Variants in CACNG7 observed in about 807,000 individuals in gnomAD.
The protein encoded by CACNG7 is voltage-dependent calcium channel gamma-7 subunit.
In CACNG7, 9 loss-of-function variants were observed where a neutral mutation model predicts 26.3. The observed-to-expected ratio is 0.34, with a 90% confidence interval of 0.21 to 0.60. The LOEUF (loss-of-function observed/expected upper bound fraction) is 0.60. Among genes scored for constraint, CACNG7 ranks in the 20% least tolerant of loss-of-function variants. The pLI, the probability that CACNG7 is intolerant of heterozygous loss-of-function variation, is 0.81. For missense variants in CACNG7, 297 were observed against 380.4 expected (o/e 0.78, Z 1.82); for synonymous variants, 170 against 157.0 (o/e 1.08, Z -0.62).
chr19:53,928,925 A>G, intron 4 of CACNG7, among the ~76,000 whole-genome samples: 1 of 152,086 alleles, frequency 6.6e-6, no homozygotes, highest in East Asian at 2.0e-4. Context: ...CCTGGCCAAC[A>G]TGGTGAAACC....
At chr19:53,921,958 C>T (rs1261567635) in intron 4 of CACNG7, among the ~76,000 whole-genome samples, 1 of 98,878 alleles carries the variant, frequency 1.0e-5, no homozygotes, top group Non-Finnish European at 1.9e-5. Context: ...GTGGAGTTGC[C>T]CCAGGCCTGG....
chr19:53,942,321 T>G lies in CACNG7; in HGVS notation c.*28T>G. On this transcript the variant is annotated 3_prime_UTR_variant, in exon 6 of 6. Coordinates refer to ENST00000391767, the MANE Select transcript of CACNG7 (RefSeq NM_031896.5). This position sits in a 1 kb window ranked among gnomAD's most constrained non-coding sequence, Gnocchi z 5.9. Reference sequence around the variant, plus strand: ...CCCGCCCCTCGGAGCTCCCCCTGCCTCCTCCTCCTCCTCGTCTTAGGGGGG... The same window carrying G: ...CCCGCCCCTCGGAGCTCCCCCTGCCGCCTCCTCCTCCTCGTCTTAGGGGGG... 7.2e-7 allele frequency: 1 copy of G among 1,397,190 alleles called. No individual in the cohort carries two copies. The highest frequency in any genetic ancestry group is 9.5e-7 in the Non-Finnish European group (1 of 1,051,088). 86.5% of individuals were successfully genotyped at this position (1,397,190 alleles called of 1,614,324 possible).
chr19:53,919,011 C>A (rs972629137), intron 4 of CACNG7, among the ~76,000 whole-genome samples: 1 of 152,170 alleles, frequency 6.6e-6, no homozygotes, highest in African/African-American at 2.4e-5. Context: ...CTCAGGTGAT[C>A]CGCCCGCCTC....
chr19:53,925,134 A>C (rs1329958582), intron 4 of CACNG7, among the ~76,000 whole-genome samples: 5 of 82,444 alleles, frequency 6.1e-5, no homozygotes, highest in Non-Finnish European at 1.1e-4. Flanking sequence ...GGACTTGCCT[A>C]GGGCTGGTCA....
At chr19:53,941,129 C>T (rs985317693) in intron 4 of CACNG7, among the ~76,000 whole-genome samples, 4 of 152,082 alleles carry the variant, frequency 2.6e-5, no homozygotes, top group African/African-American at 9.7e-5. Flanking sequence ...TTTCTCTTGC[C>T]CCTGCCCCAG....
At chr19:53,910,841 A>T (rs2068857599) in intron 1 of CACNG7, among the ~76,000 whole-genome samples, 1 of 152,172 alleles carries the variant, frequency 6.6e-6, no homozygotes. Context: ...TCCATGCTGG[A>T]TGTTGAAGAA....
Position 53,922,903 on chromosome 19 carries a change from C to A in CACNG7, c.424+7398C>A, listed in dbSNP as rs75665210. On this transcript the variant is annotated intron_variant, in intron 4 of 5. Coordinates refer to ENST00000391767, the MANE Select transcript of CACNG7 (RefSeq NM_031896.5). The stretch of plus-strand genomic sequence containing the variant: ...CTCAGGCTGGTCATTGGTGGAGTTG[C>A]CCCAGGCCTGGTCATTGGTGGAGTT... 7.3e-5 allele frequency among the ~76,000 whole-genome samples: 5 copies of A among 68,804 alleles called. 1 individual carries two copies. Among genetic ancestry groups the A allele is most frequent in the African/African-American group, 1.4e-4 (1 of 7,030 alleles). The allele number at this position is 68,804 out of a possible 152,430, so 45.1% of individuals were successfully genotyped here.
chr19:53,934,934 C>T (rs1041728722), intron 4 of CACNG7, among the ~76,000 whole-genome samples: 2 of 151,908 alleles, frequency 1.3e-5, no homozygotes, highest in African/African-American at 4.8e-5. Flanking sequence ...ACTCTCATAT[C>T]CTTCACCTAG....
In CACNG7 at chr19:53,912,335, G is replaced by C. The variant is rs2068866704; in HGVS notation, c.-29-468G>C. On this transcript the variant is annotated intron_variant, in intron 1 of 5. Transcript: ENST00000391767. The surrounding 1 kb of genome is among the most constrained non-coding windows in gnomAD (Gnocchi z 4.6). ...GTCACTGATCCACACTCAAGGTTAG[G>C]GACTCTGGTGGCATCTGATTTCTAA... Among the ~76,000 whole-genome samples, 1 of 152,142 alleles carries C rather than the reference G, an allele frequency of 6.6e-6. No individual in the cohort carries two copies. Among genetic ancestry groups the C allele is most frequent in the African/African-American group, 2.4e-5 (1 of 41,430 alleles).
intron 4 of CACNG7, among the ~76,000 whole-genome samples, chr19:53,932,059 C>T (rs1251931275): frequency 2.0e-5 from 3 of 151,346 alleles, no homozygotes; most frequent in Non-Finnish European, 4.4e-5. Flanking sequence ...CTGTGCCCGG[C>T]CAGCACTGAC....
chr19:53,924,846 GT>G (rs1312736520), intron 4 of CACNG7, among the ~76,000 whole-genome samples: 1 of 141,232 alleles, frequency 7.1e-6, no homozygotes, highest in Admixed American at 7.0e-5. Context: ...GTTGCCCCAG[GT>G]CTGGTCATTG....
chr19:53,940,456 TCTCC>T lies in CACNG7; in HGVS notation c.425-1009_425-1006del, dbSNP rs1429863744. 6.6e-6 allele frequency among the ~76,000 whole-genome samples: 1 copy of T among 152,000 alleles called. No homozygotes were observed. The highest frequency in any genetic ancestry group is 1.5e-5 in the Non-Finnish European group (1 of 67,976). On this transcript the variant is annotated intron_variant, in intron 4 of 5. Transcript: ENST00000391767. This position sits in a 1 kb window ranked among gnomAD's most constrained non-coding sequence, Gnocchi z 4.1. ...CTCATCCTCTTCGCCCTGGAATATGTCTCCCTCCAGTCTGTTCCCAGCATCAACC... is the reference window on the plus strand; with the variant it reads ...CTCATCCTCTTCGCCCTGGAATATGTCTCCAGTCTGTTCCCAGCATCAACC...
chr19:53,943,556 C>A lies in CACNG7; in HGVS notation c.*1263C>A, dbSNP rs2069152765. 1 of 127,116 alleles carries A rather than the reference C, an allele frequency of 7.9e-6. No individual in the cohort carries two copies. The highest frequency in any genetic ancestry group is 1.6e-5 in the Non-Finnish European group (1 of 61,460). The allele number at this position is 127,116 out of a possible 1,614,324, so 7.9% of individuals were successfully genotyped here. A position where few individuals can be genotyped will look rare whatever the true frequency, so the allele number is the denominator to read the frequency against. On this transcript the variant is annotated 3_prime_UTR_variant, in exon 6 of 6. Coordinates refer to ENST00000391767, the MANE Select transcript of CACNG7 (RefSeq NM_031896.5). Reference sequence around the variant, plus strand: ...TTAGGTGGGAGGGGGGAGGGGGGACCCGCCGCAGTTAACCTGACTTTACGC... The same window carrying A: ...TTAGGTGGGAGGGGGGAGGGGGGACACGCCGCAGTTAACCTGACTTTACGC...
intron 4 of CACNG7, among the ~76,000 whole-genome samples, chr19:53,922,215 TTGG>T (rs906902585): frequency 2.8e-5 from 3 of 107,082 alleles, no homozygotes; most frequent in Admixed American, 2.7e-4. Flanking sequence ...AGGTCTGGTA[TTGG>T]TGGAGTTGTC....
intron 4 of CACNG7, among the ~76,000 whole-genome samples, chr19:53,922,080 T>C (rs2068962458): frequency 9.9e-6 from 1 of 100,594 alleles, no homozygotes; most frequent in South Asian, 3.7e-4. Context: ...AGGTCTGGTA[T>C]TGGTGGAGTT....
intron 4 of CACNG7, among the ~76,000 whole-genome samples, chr19:53,934,760 G>A (rs938552693): frequency 2.0e-5 from 3 of 151,814 alleles, no homozygotes; most frequent in Non-Finnish European, 4.4e-5. Context: ...GCCATAGAGC[G>A]AGACCCCATC....
intron 4 of CACNG7, among the ~76,000 whole-genome samples, chr19:53,931,848 G>A (rs1366857686): frequency 7.4e-6 from 1 of 134,434 alleles, no homozygotes. Flanking sequence ...TGCAAGCTCC[G>A]CCTCCCAGGT....
intron 4 of CACNG7, among the ~76,000 whole-genome samples, chr19:53,927,856 A>C (rs1351284750): frequency 1.4e-5 from 2 of 145,078 alleles, no homozygotes; most frequent in Non-Finnish European, 3.0e-5. Flanking sequence ...AAAAAAAAGG[A>C]AAGAAAAAAA....
At chr19:53,936,160 G>A (rs920775055) in intron 4 of CACNG7, among the ~76,000 whole-genome samples, 4 of 151,088 alleles carry the variant, frequency 2.6e-5, no homozygotes, top group African/African-American at 9.8e-5. Context: ...GCAGCCAGTT[G>A]GGCTGTAGAG....
Sources: gnomAD v4.1 joint callset for allele counts (sites outside exome capture counted in the v4.1 genomes callset) on GRCh38, gnomAD v4.1.1 for gene constraint, Gnocchi (gnomAD v3.1) non-coding constraint, MANE v1.5 for transcripts, NCBI Gene and HGNC (gene_info 2026-07-23, HGNC 2026-07-21) for gene names.